The following STPG4 variants were observed in gnomAD, a reference collection of about 807,000 sequenced individuals.
STPG4 encodes the protein sperm-tail PG-rich repeat containing 4, also known as protein STPG4.
STPG4 carries 41 observed loss-of-function variants against 31.5 expected under a neutral mutation model. That is an observed-to-expected ratio of 1.30 (90% CI 1.01 to 1.69). The LOEUF is 1.69. STPG4 is among the 40% of genes most tolerant of loss of function. STPG4 has a pLI of 0.00. For synonymous variants in STPG4, 141 were observed against 103.0 expected (o/e 1.37, Z -2.24); for missense variants, 375 against 293.4 (o/e 1.28, Z -2.03).
chr2:47,090,012 C>A (rs1685537187), intron 6 of STPG4, among the ~76,000 whole-genome samples: 1 of 152,178 alleles, frequency 6.6e-6, no homozygotes, highest in Admixed American at 6.5e-5. Context: ...GTGCTGCTTC[C>A]AACTGGCCCC....
rs374057212 is a variant in STPG4, at chr2:47,130,256, A to G, written c.404T>C (p.Leu135Pro). The G allele has an allele frequency of 8.4e-5, 136 of 1,613,850 alleles. No individual in the cohort carries two copies. The highest frequency in any genetic ancestry group is 2.8e-4 in the African/African-American group (21 of 74,938). Residue 135 changes from leucine to proline, a missense_variant, in exon 4 of 7, where the codon CTT (leucine) becomes CCT (proline). By Grantham distance (98) the Leu-to-Pro change is moderately conservative. Transcript: ENST00000445927. ...PSTLVDKDQS[L>P]QLSPGQYNVL... ...GTTGTATTGCCCCGGAGAAAGCTGAAGTGACTGCACAGAATGGACAAGGAC... is the reference window on the plus strand; with the variant it reads ...GTTGTATTGCCCCGGAGAAAGCTGAGGTGACTGCACAGAATGGACAAGGAC...
intron 3 of STPG4, among the ~76,000 whole-genome samples, chr2:47,145,545 CA>C (rs1686804925): frequency 6.6e-6 from 1 of 152,204 alleles, no homozygotes; most frequent in South Asian, 2.1e-4. Context: ...GAAGCCAAAG[CA>C]AACCTTAGGC....
chr2:47,137,840 T>C (rs1035591919), intron 3 of STPG4, among the ~76,000 whole-genome samples: 5 of 152,182 alleles, frequency 3.3e-5, no homozygotes, highest in African/African-American at 9.6e-5. Flanking sequence ...TTGTGTCTAA[T>C]ATTAGTCATT....
chr2:47,137,291 T>A (rs1686615757), intron 3 of STPG4, among the ~76,000 whole-genome samples: 1 of 152,246 alleles, frequency 6.6e-6, no homozygotes, highest in South Asian at 2.1e-4. Flanking sequence ...ATTTGATTTT[T>A]AAAATATTGA....
intron 5 of STPG4, among the ~76,000 whole-genome samples, chr2:47,120,627 G>A (rs529811057): frequency 1.7e-3 from 262 of 152,156 alleles, no homozygotes; most frequent in African/African-American, 5.9e-3. Context: ...GACATCTATG[G>A]ACCTGGCACA....
intron 5 of STPG4, among the ~76,000 whole-genome samples, chr2:47,105,391 G>A (rs890576053): frequency 6.6e-6 from 1 of 151,982 alleles, no homozygotes; most frequent in African/African-American, 2.4e-5. Context: ...TGGCATACTA[G>A]GTGCCAAAGG....
intron 5 of STPG4, among the ~76,000 whole-genome samples, chr2:47,097,687 G>T (rs1030851043): frequency 6.6e-6 from 1 of 152,134 alleles, no homozygotes; most frequent in African/African-American, 2.4e-5. Context: ...CTGGCCTCCA[G>T]AACTGTGAAC....
At position 47,097,281 on chromosome 2, in the gene STPG4, T is replaced by C. The variant is rs192654017; in HGVS notation, c.520-6907A>G. Reference sequence around the variant, plus strand: ...CTTACTCCATAGTAACCAACTTGAATTTGCTAAACTTACTTTAAAAAAATC... The same window carrying C: ...CTTACTCCATAGTAACCAACTTGAACTTGCTAAACTTACTTTAAAAAAATC... On this transcript the variant is annotated intron_variant, in intron 5 of 6. Coordinates refer to ENST00000445927, the MANE Select transcript of STPG4 (RefSeq NM_001163561.2). Among the ~76,000 whole-genome samples the C allele has an allele frequency of 2.6e-3, 403 of 152,254 alleles. 1 individual carries two copies. The highest frequency in any genetic ancestry group is 0.014 in the Middle Eastern group (4 of 294).
At chr2:47,127,305 G>C (rs919207046) in intron 5 of STPG4, among the ~76,000 whole-genome samples, 3 of 93,240 alleles carry the variant, frequency 3.2e-5, no homozygotes, top group Non-Finnish European at 5.7e-5. Flanking sequence ...GTCTTACTCT[G>C]TTGCCCAGGC....
chr2:47,090,591 G>A (rs993974823), intron 5 of STPG4, among the ~76,000 whole-genome samples: 13 of 152,184 alleles, frequency 8.5e-5, no homozygotes, highest in East Asian at 5.8e-4. Flanking sequence ...ATGGTGAGGA[G>A]TGAAGGAACG....
Position 47,123,693 on chromosome 2 carries a change from C to G in STPG4, c.519+6248G>C, listed in dbSNP as rs527639854. The stretch of plus-strand genomic sequence containing the variant: ...CATTTCTCGTATATCTTCAGATATA[C>G]TTTATGTATATCTTAAATCAATTGC... On this transcript the variant is annotated intron_variant, in intron 5 of 6. Transcript: ENST00000445927. Among the ~76,000 whole-genome samples, 3 of 150,716 alleles carry G rather than the reference C, an allele frequency of 2.0e-5. No homozygotes were observed. In the South Asian group the frequency reaches 6.3e-4, roughly 32 times the overall value.
chr2:47,130,546 C>T (rs1054630410), intron 3 of STPG4, among the ~76,000 whole-genome samples: 43 of 152,136 alleles, frequency 2.8e-4, no homozygotes, highest in South Asian at 6.2e-4. Context: ...GATGGAGTCT[C>T]GCTCTGTCGC....
rs536128246 is a variant in STPG4, at chr2:47,102,152, G to A, written c.520-11778C>T. 2.2e-3 allele frequency among the ~76,000 whole-genome samples: 305 copies of A among 135,890 alleles called. 8 individuals are homozygous for A. The highest frequency in any genetic ancestry group is 8.3e-3 in the African/African-American group (273 of 32,898). 89.1% of individuals were successfully genotyped at this position (135,890 alleles called of 152,430 possible). A position where few individuals can be genotyped will look rare whatever the true frequency, so the allele number is the denominator to read the frequency against. ...TTCCGATCAGCAGGGTCCGGGGACC[G>A]TTGCAGGTTCTTGGGCAGGGGTTGT... is the stretch of plus-strand genomic sequence containing the variant. On this transcript the variant is annotated intron_variant, in intron 5 of 6. Coordinates refer to ENST00000445927, the MANE Select transcript of STPG4 (RefSeq NM_001163561.2).
chr2:47,107,523 A>C (rs528977034), intron 5 of STPG4, among the ~76,000 whole-genome samples: 64 of 152,290 alleles, frequency 4.2e-4, no homozygotes, highest in African/African-American at 1.4e-3. Flanking sequence ...CCCAAGGGGC[A>C]GGGCTCAGGA....
At chr2:47,099,467 G>A (rs1685742165) in intron 5 of STPG4, among the ~76,000 whole-genome samples, 1 of 152,262 alleles carries the variant, frequency 6.6e-6, no homozygotes, top group South Asian at 2.1e-4. Context: ...AACAGTAGGA[G>A]AAGCAACTTC....
rs777642024 is a variant in STPG4, at chr2:47,155,188, A to C, written c.64T>G (p.Ser22Ala). 2.5e-6 allele frequency: 4 copies of C among 1,614,094 alleles called. No individual in the cohort carries two copies. Among genetic ancestry groups the C allele is most frequent in the Non-Finnish European group, 3.4e-6 (4 of 1,180,010 alleles). Residue 22 changes from serine to alanine, a missense_variant, in exon 1 of 7, where the codon TCA becomes GCA. Ser to Ala is a moderately conservative substitution (Grantham distance 99). Transcript: ENST00000445927. ...SIREDLVGGESFITASKPAQK... is the reference protein window; with the variant it reads ...SIREDLVGGEAFITASKPAQK... Reference sequence around the variant, plus strand: ...CATCTTACCGAAGCTGTGATGAATGATTCTCCACCCACCAGGTCTTCCCTT... The same window carrying C: ...CATCTTACCGAAGCTGTGATGAATGCTTCTCCACCCACCAGGTCTTCCCTT...
chr2:47,147,245 G>C (rs947091234), intron 3 of STPG4, among the ~76,000 whole-genome samples: 18 of 152,224 alleles, frequency 1.2e-4, no homozygotes, highest in Admixed American at 3.9e-4. Context: ...CATGAGAGCA[G>C]TCATGCAGCT....
At chr2:47,096,509 A>G (rs1685672319) in intron 5 of STPG4, among the ~76,000 whole-genome samples, 1 of 152,260 alleles carries the variant, frequency 6.6e-6, no homozygotes, top group African/African-American at 2.4e-5. Context: ...TTTAATTAGT[A>G]GAAAAGACCA....
At chr2:47,125,831 T>G (rs1476834312) in intron 5 of STPG4, among the ~76,000 whole-genome samples, 1 of 152,118 alleles carries the variant, frequency 6.6e-6, no homozygotes, top group African/African-American at 2.4e-5. Flanking sequence ...AGTGCTAGGA[T>G]TACAGACGTG....
Sources: allele counts gnomAD v4.1 joint callset (sites outside exome capture counted in the v4.1 genomes callset), GRCh38; gene constraint gnomAD v4.1.1; transcripts MANE v1.5; gene names NCBI Gene and HGNC (gene_info 2026-07-23, HGNC 2026-07-21).